GLRA3: variants seen among roughly 807,000 people sequenced by gnomAD.
GLRA3 encodes glycine receptor alpha 3.
A neutral mutation model predicts 60.4 loss-of-function variants in GLRA3; 44 were observed. The observed-to-expected ratio is 0.73, with a 90% CI of 0.57 to 0.94. GLRA3 has a LOEUF of 0.94. Ranked by LOEUF, GLRA3 falls within the 40% of genes least tolerant of loss-of-function variation. GLRA3 has a pLI of 0.00. For missense variants in GLRA3, 508 were observed against 564.6 expected (o/e 0.90, Z 1.02); for synonymous variants, 223 against 192.9 (o/e 1.16, Z -1.29).
At chr4:174,674,152 C>T (rs750621160) in intron 7 of GLRA3, among the ~76,000 whole-genome samples, 1 of 152,058 alleles carries the variant, frequency 6.6e-6, no homozygotes, top group Non-Finnish European at 1.5e-5. Context: ...AGTGTAATTG[C>T]TCCCCTTATT....
intron 3 of GLRA3, among the ~76,000 whole-genome samples, chr4:174,738,161 C>G (rs920893523): frequency 6.6e-6 from 1 of 152,196 alleles, no homozygotes; most frequent in Non-Finnish European, 1.5e-5. Flanking sequence ...CTTTTAGAAA[C>G]TATCATTGAA....
At chr4:174,786,369 T>C (rs1354657753) in intron 2 of GLRA3, among the ~76,000 whole-genome samples, 2 of 152,036 alleles carry the variant, frequency 1.3e-5, no homozygotes, top group Non-Finnish European at 2.9e-5. Flanking sequence ...TTTCTACATC[T>C]ATGTTTGATG....
intron 2 of GLRA3, among the ~76,000 whole-genome samples, chr4:174,770,238 T>C (rs1392582678): frequency 1.3e-5 from 2 of 152,138 alleles, no homozygotes; most frequent in Non-Finnish European, 2.9e-5. Context: ...CACATTGAAA[T>C]CACCTGGCAA....
At chr4:174,736,062 A>C (rs7690239) in intron 3 of GLRA3, among the ~76,000 whole-genome samples, 44,473 of 151,720 alleles carry the variant, frequency 0.29, 6,719 homozygotes, top group African/African-American at 0.36. Context: ...TCTTCCCAGT[A>C]ATGGGAAGAA....
At chr4:174,828,680 G>T in intron 1 of GLRA3, 61 bp downstream of exon 1, 1 of 980,810 alleles carries the variant, frequency 1.0e-6, no homozygotes, top group South Asian at 1.3e-5. Flanking sequence ...AATAACAAGT[G>T]GTTGCAACGT....
chr4:174,784,133 G>A (rs1468757351), intron 2 of GLRA3, among the ~76,000 whole-genome samples: 1 of 139,198 alleles, frequency 7.2e-6, no homozygotes, highest in African/African-American at 2.7e-5. Context: ...GGAATACTAT[G>A]CAGCCATAAA....
At chr4:174,823,990 A>G (rs1740856850) in intron 1 of GLRA3, among the ~76,000 whole-genome samples, 1 of 152,152 alleles carries the variant, frequency 6.6e-6, no homozygotes, top group South Asian at 2.1e-4. Context: ...CTCATCGTTG[A>G]CAAATGTATT....
chr4:174,694,041 C>G (rs1467354001), intron 5 of GLRA3, among the ~76,000 whole-genome samples: 1 of 147,494 alleles, frequency 6.8e-6, no homozygotes, highest in African/African-American at 2.5e-5. Context: ...ACCTAACTGT[C>G]CTAAATATAT....
At chr4:174,713,901 T>C (rs1274500105) in intron 5 of GLRA3, 2 of 152,380 alleles carry the variant, frequency 1.3e-5, no homozygotes, top group South Asian at 2.1e-4. Flanking sequence ...CTCAAACATA[T>C]TAAGATGGAT....
At chr4:174,776,008 G>C (rs902378962) in intron 2 of GLRA3, among the ~76,000 whole-genome samples, 1 of 152,072 alleles carries the variant, frequency 6.6e-6, no homozygotes, top group African/African-American at 2.4e-5. Context: ...AGAGGGGAAG[G>C]AGGTGGAGAG....
chr4:174,778,655 C>T (rs1260253175), intron 2 of GLRA3, among the ~76,000 whole-genome samples: 1 of 152,224 alleles, frequency 6.6e-6, no homozygotes, highest in Non-Finnish European at 1.5e-5. Flanking sequence ...GAGGCATTGC[C>T]TCACTTGGGA....
At chr4:174,780,916 G>A (rs577141773) in intron 2 of GLRA3, among the ~76,000 whole-genome samples, 95 of 152,196 alleles carry the variant, frequency 6.2e-4, no homozygotes, top group African/African-American at 2.3e-3. Flanking sequence ...GAGACAGAAA[G>A]TCAAAAAGGA....
chr4:174,753,545 G>C (rs1202325099), intron 3 of GLRA3, among the ~76,000 whole-genome samples: 1 of 152,120 alleles, frequency 6.6e-6, no homozygotes, highest in South Asian at 2.1e-4. Flanking sequence ...GATTCTTTCA[G>C]AAAATCAAAT....
In GLRA3 at chr4:174,727,454, T is replaced by C. The variant is rs572677655; in HGVS notation, c.491+1021A>G. Among the ~76,000 whole-genome samples the C allele has an allele frequency of 2.6e-5, 4 of 152,304 alleles. No homozygotes were observed. In the East Asian group the frequency reaches 7.7e-4, roughly 29 times the overall value. ...GCCTACCTTGATACCTTTTAAAACATGATACTGGTGAAAAAAGTATTTAAA... is the reference window on the plus strand; with the variant it reads ...GCCTACCTTGATACCTTTTAAAACACGATACTGGTGAAAAAAGTATTTAAA... On this transcript the variant is annotated intron_variant, in intron 4 of 9. Transcript: ENST00000274093.
intron 4 of GLRA3, among the ~76,000 whole-genome samples, chr4:174,716,724 T>C (rs1735931667): frequency 6.6e-6 from 1 of 152,170 alleles, no homozygotes. Flanking sequence ...AGAGAGTTGC[T>C]ATGAGCAGTA....
At chr4:174,779,846 C>G (rs546109674) in intron 2 of GLRA3, among the ~76,000 whole-genome samples, 1 of 151,978 alleles carries the variant, frequency 6.6e-6, no homozygotes, top group Admixed American at 6.6e-5. Flanking sequence ...ATTGGTGTAC[C>G]TGAAAGTGAT....
Position 174,639,564 on chromosome 4 carries a change from C to T in GLRA3, c.*4222G>A, listed in dbSNP as rs1466990223. 1.3e-5 allele frequency: 2 copies of T among 152,032 alleles called. No homozygotes were observed. Among genetic ancestry groups the T allele is most frequent in the Admixed American group, 6.6e-5 (1 of 15,244 alleles). 9.4% of individuals were successfully genotyped at this position (152,032 alleles called of 1,614,324 possible). A position where few individuals can be genotyped will look rare whatever the true frequency, so the allele number is the denominator to read the frequency against. On this transcript the variant is annotated 3_prime_UTR_variant, in exon 10 of 10. Coordinates refer to ENST00000274093, the MANE Select transcript of GLRA3 (RefSeq NM_006529.4). ...AAGAAGCTTCCCCAGGATATTTTTC[C>T]CTGCCCTAGTTCCGTTTAAATTGTA...
chr4:174,663,958 A>C (rs1181570284), intron 7 of GLRA3, among the ~76,000 whole-genome samples: 1 of 152,144 alleles, frequency 6.6e-6, no homozygotes, highest in African/African-American at 2.4e-5. Context: ...TGTGAATACC[A>C]GTGTCTATGG....
chr4:174,753,985 A>G (rs1737587682), intron 3 of GLRA3, among the ~76,000 whole-genome samples: 1 of 151,902 alleles, frequency 6.6e-6, no homozygotes. Context: ...CGTTGTCATT[A>G]GCACCAGTTT....
Sources: allele counts gnomAD v4.1 joint callset (sites outside exome capture counted in the v4.1 genomes callset), GRCh38; gene constraint gnomAD v4.1.1; transcripts MANE v1.5; gene names NCBI Gene and HGNC (gene_info 2026-07-23, HGNC 2026-07-21).